Variants in ABCB9 observed in about 807,000 individuals in gnomAD.
ABCB9 encodes the protein ATP binding cassette subfamily B member 9.
In ABCB9, 36 loss-of-function variants were observed where a neutral mutation model predicts 62.0. The observed-to-expected ratio is 0.58, with a 90% CI of 0.45 to 0.77. The LOEUF (loss-of-function observed/expected upper bound fraction) is 0.77. Among genes scored for constraint, ABCB9 ranks in the 30% least tolerant of loss-of-function variants. ABCB9 has a pLI of 0.00. For synonymous variants in ABCB9, 435 were observed against 461.4 expected, an observed-to-expected ratio of 0.94 and a Z score of 0.73; for missense variants, 943 against 1,054.7, an observed-to-expected ratio of 0.89 and a Z score of 1.47.
chr12:122,968,528 G>A (rs1017401968), upstream of ABCB9, among the ~76,000 whole-genome samples: 3 of 151,774 alleles, frequency 2.0e-5, no homozygotes, highest in African/African-American at 4.8e-5. Flanking sequence ...TGTCAGAAAT[G>A]TGAAACGGAC....
At position 122,960,309 on chromosome 12, in the gene ABCB9, G is replaced by T; in HGVS notation, c.-74C>A. 1.3e-6 allele frequency: 2 copies of T among 1,541,694 alleles called. No homozygotes were observed. The highest frequency in any genetic ancestry group is 1.3e-5 in the South Asian group (1 of 79,732). ...GGGGGCAAGGCCATCATCATCCACA[G>T]GGCGAGGCCAGGCCTGTAGGGACAA... On this transcript the variant is annotated 5_prime_UTR_variant, in exon 2 of 12. It adds an upstream start codon to the 5' untranslated region. Transcript: ENST00000280560.
At chr12:122,931,323 C>G (rs1253135326) in intron 11 of ABCB9, 1 of 139,056 alleles carries the variant, frequency 7.2e-6, no homozygotes, top group Non-Finnish European at 1.5e-5. Flanking sequence ...CTGCGCCCAG[C>G]CTTTTTTTTT....
chr12:122,953,528 C>T (rs547940681), intron 2 of ABCB9, among the ~76,000 whole-genome samples: 1 of 152,296 alleles, frequency 6.6e-6, no homozygotes, highest in African/African-American at 2.4e-5. Context: ...GCTGGGATTA[C>T]AGACACCTGC....
chr12:122,959,649 A>C lies in ABCB9; in HGVS notation c.587T>G (p.Ile196Ser), dbSNP rs2135908542. ...TCCTTACTTACCCAGAGCTGCCACGATGAGGAAGAAGGAGGCGGCCACGAG... is the reference window on the plus strand; with the variant it reads ...TCCTTACTTACCCAGAGCTGCCACGCTGAGGAAGAAGGAGGCGGCCACGAG... ...AFLVAASFFLIVAALGETFLP... is the reference protein window; with the variant it reads ...AFLVAASFFLSVAALGETFLP... The change falls in exon 2 of 12, where the codon ATC (isoleucine) becomes AGC (serine). Residue 196 changes from isoleucine (I) to serine (S), a missense_variant. Ile to Ser is a moderately radical substitution (Grantham distance 142). Transcript: ENST00000280560. This position sits in a 1 kb window ranked among gnomAD's most constrained non-coding sequence, Gnocchi z 5.4. The C allele has an allele frequency of 3.8e-6, 6 of 1,562,678 alleles. No homozygotes were observed. In the East Asian group the frequency reaches 1.4e-4, roughly 35 times the overall value.
At chr12:122,943,483 C>G (rs796275017) in intron 7 of ABCB9, among the ~76,000 whole-genome samples, 36 of 152,302 alleles carry the variant, frequency 2.4e-4, no homozygotes, top group African/African-American at 8.7e-4. Flanking sequence ...CGTTCCCGAG[C>G]AAATGTGATG....
In ABCB9 at chr12:122,959,395, G is replaced by C. The variant is rs1254103319; in HGVS notation, c.601+240C>G. Among the ~76,000 whole-genome samples, 1 of 151,802 alleles carries C rather than the reference G, an allele frequency of 6.6e-6. No homozygotes were observed. Among genetic ancestry groups the C allele is most frequent in the Non-Finnish European group, 1.5e-5 (1 of 67,926 alleles). The stretch of plus-strand genomic sequence containing the variant: ...AATAAATAAATAAATAAATAAAATA[G>C]AAATGGGTTCTCGCTATGTTGCCCA... On this transcript the variant is annotated intron_variant, in intron 2 of 11. Transcript: ENST00000280560. This position sits in a 1 kb window ranked among gnomAD's most constrained non-coding sequence, Gnocchi z 5.4.
intron 7 of ABCB9, among the ~76,000 whole-genome samples, chr12:122,942,863 C>T (rs2035839882): frequency 6.6e-6 from 1 of 152,066 alleles, no homozygotes; most frequent in Non-Finnish European, 1.5e-5. Context: ...ACATCTTCGC[C>T]CACTGCTGTG....
In ABCB9 at chr12:122,932,239, T is replaced by A; in HGVS notation, c.1993A>T (p.Ile665Phe). The A allele has an allele frequency of 6.4e-7, 1 of 1,552,326 alleles. No individual in the cohort carries two copies. The change falls in exon 11 of 12, where the codon ATC (isoleucine) becomes TTC (phenylalanine). Residue 665 changes from isoleucine to phenylalanine, a missense_variant. By Grantham distance (21) the Ile-to-Phe change is conservative. Coordinates refer to ENST00000280560, the MANE Select transcript of ABCB9 (RefSeq NM_019625.4). The surrounding 1 kb of genome is among the most constrained non-coding windows in gnomAD (Gnocchi z 4.7). The stretch of plus-strand genomic sequence containing the variant: ...AAAGCGCTGGTGGCTTCATCCAGGA[T>A]GAGGACTGGGGGGTTCCGCACCAGA... ...RALVRNPPVL[I>F]LDEATSALDA...
downstream of ABCB9, chr12:122,924,599 A>C: frequency 7.1e-7 from 1 of 1,408,994 alleles, no homozygotes. Context: ...GCACTGGGGA[A>C]TACAGCAGTG....
At chr12:122,955,833 T>G (rs1047361833) in intron 2 of ABCB9, among the ~76,000 whole-genome samples, 1 of 151,870 alleles carries the variant, frequency 6.6e-6, no homozygotes, top group Non-Finnish European at 1.5e-5. Flanking sequence ...TGCATCAGCC[T>G]TCTGAGTAGC....
At position 122,947,103 on chromosome 12, in the gene ABCB9, A is replaced by C. The variant is rs1370410262; in HGVS notation, c.1054-881T>G. Among the ~76,000 whole-genome samples, 1 of 152,188 alleles carries C rather than the reference A, an allele frequency of 6.6e-6. No homozygotes were observed. Among genetic ancestry groups the C allele is most frequent in the African/African-American group, 2.4e-5 (1 of 41,438 alleles). ...CAGGCATGGGGTGGAAAACCCAAAC[A>C]GAGCCTTCCTGAGGCCTCCCTTAGC... On this transcript the variant is annotated intron_variant, in intron 5 of 11. Transcript: ENST00000280560. The surrounding 1 kb of genome is among the most constrained non-coding windows in gnomAD (Gnocchi z 6.0).
intron 1 of ABCB9, among the ~76,000 whole-genome samples, chr12:122,961,758 C>T (rs1410703356): frequency 2.0e-5 from 3 of 152,156 alleles, no homozygotes; most frequent in African/African-American, 2.4e-5. Flanking sequence ...AATAAACAGC[C>T]GCTGTCTTTA....
At position 122,944,315 on chromosome 12, in the gene ABCB9, G is replaced by GC; in HGVS notation, c.1380+75dup. 8 of 715,926 alleles carry GC rather than the reference G, an allele frequency of 1.1e-5. No individual in the cohort carries two copies. The highest frequency in any genetic ancestry group is 1.5e-5 in the Non-Finnish European group (7 of 477,624). 44.3% of individuals were successfully genotyped at this position (715,926 alleles called of 1,614,324 possible). A position where few individuals can be genotyped will look rare whatever the true frequency, so the allele number is the denominator to read the frequency against. ...ACATTGTCAGAGTCCCTGGAGCCCCGCCCCCACCCTGTTAAGATCCCTCTT... is the reference window on the plus strand; with the variant it reads ...ACATTGTCAGAGTCCCTGGAGCCCCGCCCCCCACCCTGTTAAGATCCCTCTT... On this transcript the variant is annotated intron_variant, in intron 7 of 11. Coordinates refer to ENST00000280560, the MANE Select transcript of ABCB9 (RefSeq NM_019625.4). This position sits in a 1 kb window ranked among gnomAD's most constrained non-coding sequence, Gnocchi z 4.9.
chr12:122,936,771 G>A (rs2035477689), intron 9 of ABCB9, among the ~76,000 whole-genome samples: 1 of 151,890 alleles, frequency 6.6e-6, no homozygotes, highest in Non-Finnish European at 1.5e-5. Context: ...GGGTGTGGTG[G>A]TGCATGCCTG....
In ABCB9 at chr12:122,950,584, C is replaced by T; in HGVS notation, c.602-19G>A. 1 of 1,600,128 alleles carries T rather than the reference C, an allele frequency of 6.2e-7. No individual in the cohort carries two copies. Among genetic ancestry groups the T allele is most frequent in the Non-Finnish European group, 8.5e-7 (1 of 1,172,808 alleles). On this transcript the variant is annotated intron_variant, in intron 2 of 11. Coordinates refer to ENST00000280560, the MANE Select transcript of ABCB9 (RefSeq NM_019625.4). ...GTCTCTCCTGGGGGAGGCAGGGCAG[C>T]CTCAGGGACGTCTGCAGCCAGGGGA...
At chr12:122,928,772 T>TC (rs759201415), downstream of ABCB9, among the ~76,000 whole-genome samples, 1 of 151,960 alleles carries the variant, frequency 6.6e-6, no homozygotes, top group Non-Finnish European at 1.5e-5. Context: ...AACGTCTCTA[T>TC]CCCCCTGCGC....
Position 122,940,185 on chromosome 12 carries a change from G to A in ABCB9, c.1669C>T (p.Pro557Ser), listed in dbSNP as rs779022972. 4 of 1,613,776 alleles carry A rather than the reference G, an allele frequency of 2.5e-6. No homozygotes were observed. Among genetic ancestry groups the A allele is most frequent in the Non-Finnish European group, 3.4e-6 (4 of 1,179,898 alleles). ...AGCAGCACCCGGCCCCCCTCCAGGGGGTAGAAGTTCTCCAGGATGTTGACA... is the reference window on the plus strand; with the variant it reads ...AGCAGCACCCGGCCCCCCTCCAGGGAGTAGAAGTTCTCCAGGATGTTGACA... ...SCVNILENFYPLEGGRVLLDG... is the reference protein window; with the variant it reads ...SCVNILENFYSLEGGRVLLDG... Residue 557 changes from proline to serine, a missense_variant, in exon 9 of 12, where the codon CCC becomes TCC. Physicochemically the swap from Pro to Ser is moderately conservative, Grantham distance 74. Transcript: ENST00000280560. The surrounding 1 kb of genome is among the most constrained non-coding windows in gnomAD (Gnocchi z 4.8).
intron 1 of ABCB9, among the ~76,000 whole-genome samples, chr12:122,962,297 C>T (rs1039704551): frequency 2.0e-5 from 3 of 152,130 alleles, no homozygotes; most frequent in African/African-American, 4.8e-5. Flanking sequence ...TACCTCCTGT[C>T]TCAGCTCCAG....
chr12:122,929,970 C>T lies in ABCB9; in HGVS notation c.2242G>A (p.Ala748Thr), dbSNP rs373159982. 36 of 1,578,174 alleles carry T rather than the reference C, an allele frequency of 2.3e-5. No homozygotes were observed. Among genetic ancestry groups the T allele is most frequent in the South Asian group, 3.4e-5 (3 of 87,276 alleles). ...TTGTGGCCAGCTGTGAAGTCTGCGG[C>T]GGGCTGAAGCCCCAGCATCTGCCGC... ...VQRQMLGLQP[A>T]ADFTAGHNEP... The change falls in exon 12 of 12, where the codon GCC becomes ACC. Residue 748 changes from alanine (A) to threonine (T), a missense_variant. Coordinates refer to ENST00000280560, the MANE Select transcript of ABCB9 (RefSeq NM_019625.4). This position sits in a 1 kb window ranked among gnomAD's most constrained non-coding sequence, Gnocchi z 6.0.
Sources: gnomAD v4.1 joint callset for allele counts (sites outside exome capture counted in the v4.1 genomes callset) on GRCh38, gnomAD v4.1.1 for gene constraint, Gnocchi (gnomAD v3.1) non-coding constraint, MANE v1.5 for transcripts, NCBI Gene and HGNC (gene_info 2026-07-23, HGNC 2026-07-21) for gene names.